The following APOLD1 variants were observed in gnomAD, a reference collection of about 807,000 sequenced individuals.
APOLD1 encodes apolipoprotein L domain-containing protein 1.
A neutral mutation model predicts 15.3 loss-of-function variants in APOLD1; 22 were observed. The observed-to-expected ratio is 1.44, with a 90% CI of 1.03 to 2.05. The LOEUF (loss-of-function observed/expected upper bound fraction) is 2.05, where lower values mean the gene tolerates loss of function less well. Among genes scored for constraint, APOLD1 ranks in the 30% most tolerant of loss-of-function variants. The pLI is 0.00. For missense variants in APOLD1, 394 were observed against 353.5 expected (o/e 1.11, Z -0.92); for synonymous variants, 190 against 167.4 (o/e 1.13, Z -1.04).
upstream of APOLD1, among the ~76,000 whole-genome samples, chr12:12,780,980 C>A (rs1271845066): frequency 6.6e-6 from 1 of 151,882 alleles, no homozygotes; most frequent in East Asian, 2.0e-4. Flanking sequence ...CATCACATAA[C>A]TTTAAACTTG....
chr12:12,738,202 C>CTTTTTTTTTTTTTTTTT (rs71436733), intron 1 of APOLD1, among the ~76,000 whole-genome samples: 1 of 117,556 alleles, frequency 8.5e-6, no homozygotes, highest in African/African-American at 3.2e-5. Context: ...CAAGCAAGTC[C>CTTTTTTTTTTTTTTTTT]TTTTTTTTTT....
At chr12:12,775,993 G>C (rs1245613052) in intron 1 of APOLD1, among the ~76,000 whole-genome samples, 1 of 89,596 alleles carries the variant, frequency 1.1e-5, no homozygotes, top group Admixed American at 1.9e-4. Context: ...GACAGGGTGA[G>C]ACCCAGTCTC....
chr12:12,760,510 G>A (rs772312510), intron 1 of APOLD1, among the ~76,000 whole-genome samples: 1 of 151,408 alleles, frequency 6.6e-6, no homozygotes, highest in Non-Finnish European at 1.5e-5. Context: ...GTGGTTCTGG[G>A]CGCCTATAAT....
At position 12,787,604 on chromosome 12, in the gene APOLD1, C is replaced by A; in HGVS notation, c.699C>A (p.Gly233=). Reference sequence around the variant, plus strand: ...AGCTCTGCACCAAGTCCAGTCGTGGCCACGACCTCAAGATCTCTGCTGACC... The same window carrying A: ...AGCTCTGCACCAAGTCCAGTCGTGGACACGACCTCAAGATCTCTGCTGACC... The part of the protein sequence containing the change: ...RVQLCTKSSR[G]HDLKISADQR... Residue 233 remains glycine (G), a synonymous_variant, in exon 2 of 2, where the codon GGC becomes GGA. Coordinates refer to ENST00000356591, the MANE Select transcript of APOLD1 (RefSeq NM_030817.3). This position sits in a 1 kb window ranked among gnomAD's most constrained non-coding sequence, Gnocchi z 4.9. 6.2e-7 allele frequency: 1 copy of A among 1,610,512 alleles called. No homozygotes were observed. Among genetic ancestry groups the A allele is most frequent in the Non-Finnish European group, 8.5e-7 (1 of 1,179,944 alleles).
chr12:12,747,001 T>C (rs1946771670), intron 1 of APOLD1, among the ~76,000 whole-genome samples: 1 of 152,240 alleles, frequency 6.6e-6, no homozygotes, highest in Admixed American at 6.5e-5. Flanking sequence ...GCATATTCTC[T>C]AATGTTAATT....
chr12:12,767,347 T>C (rs939900983), intron 1 of APOLD1, among the ~76,000 whole-genome samples: 1 of 151,818 alleles, frequency 6.6e-6, no homozygotes, highest in Non-Finnish European at 1.5e-5. Context: ...AAAACAACCG[T>C]ACAATAATAA....
chr12:12,776,461 C>T (rs1947034815), intron 1 of APOLD1, among the ~76,000 whole-genome samples: 1 of 152,204 alleles, frequency 6.6e-6, no homozygotes, highest in South Asian at 2.1e-4. Context: ...GTGGACTCAG[C>T]TGCAGTCTTT....
intron 1 of APOLD1, among the ~76,000 whole-genome samples, chr12:12,756,901 C>T (rs1164471610): frequency 6.6e-6 from 1 of 152,190 alleles, no homozygotes; most frequent in African/African-American, 2.4e-5. Context: ...ATTCTCCTGC[C>T]TCTGTCTCCA....
intron 1 of APOLD1, among the ~76,000 whole-genome samples, chr12:12,734,428 C>T (rs1946667278): frequency 6.6e-6 from 1 of 152,244 alleles, no homozygotes; most frequent in African/African-American, 2.4e-5. Flanking sequence ...TGGGGCAAAT[C>T]TTAGAATCTC....
At chr12:12,785,723 C>T (rs757684446) in intron 1 of APOLD1, 29 bp downstream of exon 1, 13 of 1,602,126 alleles carry the variant, frequency 8.1e-6, no homozygotes, top group East Asian at 2.2e-5. Flanking sequence ...GGCATATATT[C>T]GGGATGACTT....
At chr12:12,726,337 TA>T (rs1431875892) in intron 1 of APOLD1, 1 of 617,892 alleles carries the variant, frequency 1.6e-6, no homozygotes, top group Non-Finnish European at 3.0e-6. Context: ...AAACTCAAGA[TA>T]CGAAATGAGA....
At chr12:12,743,437 G>T (rs968891721) in intron 1 of APOLD1, among the ~76,000 whole-genome samples, 3 of 152,140 alleles carry the variant, frequency 2.0e-5, no homozygotes, top group African/African-American at 7.2e-5. Flanking sequence ...TTATCCAGGT[G>T]AGCCCAATCT....
chr12:12,787,006 A>G lies in APOLD1; in HGVS notation c.101A>G (p.Gln34Arg). The G allele has an allele frequency of 4.3e-6, 6 of 1,409,876 alleles. No individual in the cohort carries two copies. In the South Asian group the frequency reaches 7.6e-5, roughly 18 times the overall value. 87.3% of individuals were successfully genotyped at this position (1,409,876 alleles called of 1,614,324 possible). Residue 34 changes from glutamine to arginine, a missense_variant, in exon 2 of 2, where the codon CAG becomes CGG. Gln to Arg is a conservative substitution (Grantham distance 43). Coordinates refer to ENST00000356591, the MANE Select transcript of APOLD1 (RefSeq NM_030817.3). The surrounding 1 kb of genome is among the most constrained non-coding windows in gnomAD (Gnocchi z 4.9). The stretch of plus-strand genomic sequence containing the variant: ...GACCGCCGAGGCCGGCTGCACGGCC[A>G]GGTGCTGCGCCTGCGCGAGGTGGCC... ...LLDRRGRLHG[Q>R]VLRLREVARR... is the part of the protein sequence containing the mutation.
rs150236213 is a variant in APOLD1 at position 12,766,811 on chromosome 12, A to C, written c.97-20098A>C. Among the ~76,000 whole-genome samples, 119 of 151,440 alleles carry C rather than the reference A, an allele frequency of 7.9e-4. 1 individual carries two copies. Among genetic ancestry groups the C allele is most frequent in the Middle Eastern group, 3.5e-3 (1 of 282 alleles). ...TTGCAGTGAGCCAAGAGCACACTCC[A>C]ACCTGGGTGACAGAGTGAAACTATG... is the stretch of plus-strand genomic sequence containing the variant. On this transcript the variant is annotated intron_variant, in intron 1 of 1. Coordinates refer to the APOLD1 transcript ENST00000326765.
Position 12,775,048 on chromosome 12 carries a change from C to A in APOLD1, c.97-11861C>A, listed in dbSNP as rs1271003099. Among the ~76,000 whole-genome samples the A allele has an allele frequency of 1.3e-5, 2 of 152,156 alleles. 1 individual carries two copies. Among genetic ancestry groups the A allele is most frequent in the East Asian group, 3.9e-4 (2 of 5,190 alleles). The stretch of plus-strand genomic sequence containing the variant: ...GTGATTGCCAAACATCAGAAGCAAC[C>A]AAGATGTTCTTCAGTAGCTGAGTGA... On this transcript the variant is annotated intron_variant, in intron 1 of 1. Coordinates refer to the APOLD1 transcript ENST00000326765.
At chr12:12,760,651 A>C (rs1015672645) in intron 1 of APOLD1, among the ~76,000 whole-genome samples, 8 of 151,706 alleles carry the variant, frequency 5.3e-5, no homozygotes, top group African/African-American at 1.7e-4. Context: ...AAAAAAAAAA[A>C]AAAACAACCA....
upstream of APOLD1, among the ~76,000 whole-genome samples, chr12:12,781,526 CTTTTT>C (rs774609531): frequency 7.2e-6 from 1 of 138,830 alleles, no homozygotes. Flanking sequence ...ATCACTTTAT[CTTTTT>C]TTTTTTTTTT....
Position 12,785,677 on chromosome 12 carries a change from G to A in APOLD1, c.-15G>A. 1.2e-6 allele frequency: 2 copies of A among 1,614,192 alleles called. No homozygotes were observed. The highest frequency in any genetic ancestry group is 1.7e-6 in the Non-Finnish European group (2 of 1,180,018). On this transcript the variant is annotated 5_prime_UTR_variant, in exon 1 of 2. Transcript: ENST00000356591. ...CAGCCTCAGATTTTACTTTCCTGGAGGCAGACAGAAGTGAATGGTAAGTGG... is the reference window on the plus strand; with the variant it reads ...CAGCCTCAGATTTTACTTTCCTGGAAGCAGACAGAAGTGAATGGTAAGTGG...
intron 1 of APOLD1, among the ~76,000 whole-genome samples, chr12:12,743,942 C>T (rs1471047268): frequency 1.3e-5 from 2 of 152,196 alleles, no homozygotes; most frequent in African/African-American, 2.4e-5. Flanking sequence ...CCTCCAGAAA[C>T]AAATGCAGCC....
Sources: gnomAD v4.1 joint callset for allele counts (sites outside exome capture counted in the v4.1 genomes callset) on GRCh38, gnomAD v4.1.1 for gene constraint, Gnocchi (gnomAD v3.1) non-coding constraint, MANE v1.5 for transcripts, NCBI Gene and HGNC (gene_info 2026-07-23, HGNC 2026-07-21) for gene names.